WASF2: variants seen among roughly 807,000 people sequenced by gnomAD.
WASF2 encodes WASP family member 2.
WASF2 carries 14 observed loss-of-function variants against 45.0 expected under a neutral mutation model. The ratio of observed to expected loss-of-function variants is 0.31; its 90% CI spans 0.21 to 0.49. WASF2 has a LOEUF of 0.49. Among genes scored for constraint, WASF2 ranks in the 20% least tolerant of loss-of-function variants. The pLI is 0.99. For missense variants in WASF2, 439 were observed against 636.1 expected, an observed-to-expected ratio of 0.69 and a Z score of 3.33; for synonymous variants, 200 against 236.3, an observed-to-expected ratio of 0.85 and a Z score of 1.41.
chr1:27,464,338 A>G (rs1370389851), intron 1 of WASF2, among the ~76,000 whole-genome samples: 3 of 152,060 alleles, frequency 2.0e-5, no homozygotes, highest in African/African-American at 7.2e-5. Context: ...GTGAGCCAAG[A>G]TCACACCATT....
At chr1:27,481,140 C>CAA (rs77693540) in intron 1 of WASF2, among the ~76,000 whole-genome samples, 18 of 110,466 alleles carry the variant, frequency 1.6e-4, no homozygotes, top group Non-Finnish European at 3.0e-4. Context: ...ACTAAAAATA[C>CAA]AAAAAAAAAA....
chr1:27,413,128 T>G (rs2016786027), intron 6 of WASF2, among the ~76,000 whole-genome samples: 1 of 152,178 alleles, frequency 6.6e-6, no homozygotes. Flanking sequence ...TGCAAACACG[T>G]GACTGGCACA....
chr1:27,488,952 C>A (rs1478987390), intron 1 of WASF2, among the ~76,000 whole-genome samples: 1 of 152,150 alleles, frequency 6.6e-6, no homozygotes, highest in Non-Finnish European at 1.5e-5. Flanking sequence ...AGAACATATG[C>A]CTAAGCAAGG....
chr1:27,426,950 TCAA>T (rs2016989602), intron 2 of WASF2, among the ~76,000 whole-genome samples: 1 of 152,182 alleles, frequency 6.6e-6, no homozygotes, highest in African/African-American at 2.4e-5. Context: ...AAGTAGGCAA[TCAA>T]CAAATGTGGG....
intron 1 of WASF2, among the ~76,000 whole-genome samples, chr1:27,450,806 C>T (rs575497644): frequency 6.6e-6 from 1 of 151,866 alleles, no homozygotes. Flanking sequence ...GCCTCCTTCT[C>T]CCTTCTTTTC....
chr1:27,489,217 T>C (rs1318129618), intron 1 of WASF2, among the ~76,000 whole-genome samples: 1 of 150,298 alleles, frequency 6.7e-6, no homozygotes, highest in Non-Finnish European at 1.5e-5. Context: ...TTTAGACAAC[T>C]CTCCTCCTTA....
Position 27,490,145 on chromosome 1 carries a change from T to C in WASF2, c.-203A>G, listed in dbSNP as rs1256172587. On this transcript the variant is annotated 5_prime_UTR_variant, in exon 1 of 9. An upstream start codon of the reference 5' UTR is lost. Transcript: ENST00000618852. ...GCGCTCGCCCTGCCTGTGTCCGCCATTACGCGATTCCCCGCCCTGGGCGGC... is the reference window on the plus strand; with the variant it reads ...GCGCTCGCCCTGCCTGTGTCCGCCACTACGCGATTCCCCGCCCTGGGCGGC... The C allele has an allele frequency of 6.6e-6, 1 of 152,376 alleles. No homozygotes were observed. The highest frequency in any genetic ancestry group is 1.9e-4 in the East Asian group (1 of 5,198). The allele number at this position is 152,376 out of a possible 1,614,324, so 9.4% of individuals were successfully genotyped here. A position where few individuals can be genotyped will look rare whatever the true frequency, so the allele number is the denominator to read the frequency against.
At chr1:27,452,644 C>A (rs1015842928) in intron 1 of WASF2, among the ~76,000 whole-genome samples, 1 of 150,568 alleles carries the variant, frequency 6.6e-6, no homozygotes, top group Non-Finnish European at 1.5e-5. Flanking sequence ...TGGTGAAACC[C>A]CATCTCTACT....
At chr1:27,445,734 AT>A (rs746717789) in intron 1 of WASF2, among the ~76,000 whole-genome samples, 2 of 152,156 alleles carry the variant, frequency 1.3e-5, no homozygotes, top group Admixed American at 6.6e-5. Context: ...ACAGCTAGGC[AT>A]TAGGGGTTCC....
chr1:27,473,235 C>T (rs2017716710), intron 1 of WASF2, among the ~76,000 whole-genome samples: 1 of 151,874 alleles, frequency 6.6e-6, no homozygotes, highest in Non-Finnish European at 1.5e-5. Context: ...AATTCCAGCA[C>T]TTTCAGAGGC....
chr1:27,434,342 T>A (rs2017103956), intron 1 of WASF2, among the ~76,000 whole-genome samples: 1 of 152,204 alleles, frequency 6.6e-6, no homozygotes, highest in African/African-American at 2.4e-5. Flanking sequence ...TGTGTCCTCA[T>A]CTACAAAATA....
chr1:27,459,168 T>G (rs979895863), intron 1 of WASF2: 5 of 152,452 alleles, frequency 3.3e-5, no homozygotes, highest in African/African-American at 7.2e-5. Flanking sequence ...TTGTGAATTT[T>G]TTGTTGTTGT....
chr1:27,418,189 G>T (rs974426986), intron 4 of WASF2, 80 bp downstream of exon 4: 1 of 1,478,794 alleles, frequency 6.8e-7, no homozygotes, highest in Non-Finnish European at 9.1e-7. Context: ...TCCTCTGATG[G>T]AAACAACCGC....
At chr1:27,477,173 G>C (rs911761003) in intron 1 of WASF2, among the ~76,000 whole-genome samples, 17 of 152,164 alleles carry the variant, frequency 1.1e-4, no homozygotes, top group Non-Finnish European at 1.5e-4. Flanking sequence ...GTAAAATAGA[G>C]AAGGCCTAGA....
intron 1 of WASF2, among the ~76,000 whole-genome samples, chr1:27,473,297 G>C (rs2017717864): frequency 6.6e-6 from 1 of 151,584 alleles, no homozygotes; most frequent in African/African-American, 2.4e-5. Context: ...TGGCTAACAT[G>C]GTGAAACCCC....
At chr1:27,411,184 C>A (rs765471602) in intron 7 of WASF2, among the ~76,000 whole-genome samples, 8 of 152,226 alleles carry the variant, frequency 5.3e-5, no homozygotes, top group Non-Finnish European at 1.0e-4. Context: ...GGGTCCTCAA[C>A]ATACTCAATT....
intron 1 of WASF2, among the ~76,000 whole-genome samples, chr1:27,451,453 T>C (rs2017382253): frequency 6.6e-6 from 1 of 152,152 alleles, no homozygotes; most frequent in Non-Finnish European, 1.5e-5. Flanking sequence ...TCATGAGTGA[T>C]GAGACTAATA....
intron 1 of WASF2, among the ~76,000 whole-genome samples, chr1:27,478,093 A>G (rs946702810): frequency 6.8e-6 from 1 of 147,750 alleles, no homozygotes; most frequent in African/African-American, 2.5e-5. Flanking sequence ...TCTCTACTAA[A>G]AAGAGACTTG....
rs193067668 is a variant in WASF2, at chr1:27,420,115, G to C, written c.131-1027C>G. The stretch of plus-strand genomic sequence containing the variant: ...AGATGGGGATTTGCCAGGTTGCCCA[G>C]GCTGGTCTCAAACTCCTGGCCTCAA... On this transcript the variant is annotated intron_variant, in intron 2 of 8. Transcript: ENST00000618852. Among the ~76,000 whole-genome samples, 7 of 152,184 alleles carry C rather than the reference G, an allele frequency of 4.6e-5. No homozygotes were observed. In the East Asian group the frequency reaches 1.4e-3, roughly 29 times the overall value.
Sources: allele counts gnomAD v4.1 joint callset (sites outside exome capture counted in the v4.1 genomes callset), GRCh38; gene constraint gnomAD v4.1.1; transcripts MANE v1.5; gene names NCBI Gene and HGNC (gene_info 2026-07-23, HGNC 2026-07-21).